The following NUBPL variants were observed in gnomAD, a reference collection of about 807,000 sequenced individuals.
NUBPL encodes the protein NUBP iron-sulfur cluster assembly factor, mitochondrial, also known as iron-sulfur cluster transfer protein NUBPL.
In NUBPL, 31 loss-of-function variants were observed where a neutral mutation model predicts 45.7. The observed-to-expected ratio is 0.68, with a 90% CI of 0.51 to 0.92. NUBPL has a LOEUF of 0.92. Ranked by LOEUF, NUBPL falls within the 40% of genes least tolerant of loss-of-function variation. NUBPL has a pLI of 0.00. For synonymous variants in NUBPL, 144 were observed against 140.9 expected, an observed-to-expected ratio of 1.02 and a Z score of -0.15; for missense variants, 401 against 398.7, an observed-to-expected ratio of 1.01 and a Z score of -0.05.
intron 3 of NUBPL, chr14:31,578,056 C>G (rs1595305964): frequency 9.4e-7 from 1 of 1,058,616 alleles, no homozygotes; most frequent in African/African-American, 1.6e-5. Flanking sequence ...TACACTTTGG[C>G]AGAATTCTCC....
At chr14:31,682,533 G>A (rs2036857710) in intron 6 of NUBPL, among the ~76,000 whole-genome samples, 1 of 151,742 alleles carries the variant, frequency 6.6e-6, no homozygotes, top group Non-Finnish European at 1.5e-5. Flanking sequence ...TTAATGGTTG[G>A]GTTTCAGTCT....
intron 6 of NUBPL, among the ~76,000 whole-genome samples, chr14:31,697,694 C>T (rs980047195): frequency 6.6e-6 from 1 of 152,148 alleles, no homozygotes; most frequent in African/African-American, 2.4e-5. Flanking sequence ...TCTCCATTTT[C>T]CATGATGCAG....
At chr14:31,832,963 TA>T (rs1300065137) in intron 8 of NUBPL, among the ~76,000 whole-genome samples, 1 of 152,238 alleles carries the variant, frequency 6.6e-6, no homozygotes, top group Non-Finnish European at 1.5e-5. Context: ...TACATAATGT[TA>T]TATAATTAAT....
In NUBPL at chr14:31,635,407, C is replaced by T. The variant is rs1377924154; in HGVS notation, c.382+36028C>T. Among the ~76,000 whole-genome samples, 971 of 151,046 alleles carry T rather than the reference C, an allele frequency of 6.4e-3. 7 individuals are homozygous for T. Among genetic ancestry groups the T allele is most frequent in the Non-Finnish European group, 0.01 (681 of 67,424 alleles). ...CAAAGATCAGATAGTTGTAGATATG[C>T]GACGTTATTTCTGAGGGCTCTGTTC... On this transcript the variant is annotated intron_variant, in intron 4 of 10. Transcript: ENST00000281081.
chr14:31,735,744 C>T (rs6571460), intron 6 of NUBPL, among the ~76,000 whole-genome samples: 24,093 of 151,934 alleles, frequency 0.16, 5,443 homozygotes, highest in African/African-American at 0.5. Context: ...CCCAGCTACT[C>T]GGGAGGCTGA....
At chr14:31,769,148 A>G (rs1199452096) in intron 6 of NUBPL, among the ~76,000 whole-genome samples, 2 of 152,202 alleles carry the variant, frequency 1.3e-5, no homozygotes, top group East Asian at 1.9e-4. Flanking sequence ...GGTATGGGCT[A>G]CAGTGTCCGG....
At chr14:31,751,313 C>T (rs1174745887) in intron 6 of NUBPL, among the ~76,000 whole-genome samples, 1 of 152,198 alleles carries the variant, frequency 6.6e-6, no homozygotes, top group Non-Finnish European at 1.5e-5. Flanking sequence ...TCATCTGAGA[C>T]AAGGCAAGTC....
intron 6 of NUBPL, among the ~76,000 whole-genome samples, chr14:31,684,644 C>T (rs952992739): frequency 4.6e-5 from 7 of 152,116 alleles, no homozygotes; most frequent in African/African-American, 1.2e-4. Context: ...TATTATTTAT[C>T]TTTGGTTTAA....
intron 4 of NUBPL, among the ~76,000 whole-genome samples, chr14:31,669,583 C>T (rs1273680278): frequency 6.6e-6 from 1 of 151,848 alleles, no homozygotes; most frequent in Non-Finnish European, 1.5e-5. Flanking sequence ...ACCTAGTACT[C>T]AATAGTTATA....
At chr14:31,611,565 A>G (rs1188685042) in intron 4 of NUBPL, among the ~76,000 whole-genome samples, 1 of 152,242 alleles carries the variant, frequency 6.6e-6, no homozygotes, top group Non-Finnish European at 1.5e-5. Context: ...GAAATAGAAA[A>G]ACAATTCTAC....
At chr14:31,716,644 C>T (rs1190538341) in intron 6 of NUBPL, among the ~76,000 whole-genome samples, 1 of 152,182 alleles carries the variant, frequency 6.6e-6, no homozygotes, top group South Asian at 2.1e-4. Flanking sequence ...AAAACCTCTG[C>T]AATTCATCTC....
intron 4 of NUBPL, among the ~76,000 whole-genome samples, chr14:31,656,967 G>A (rs2036155899): frequency 6.6e-6 from 1 of 152,166 alleles, no homozygotes; most frequent in African/African-American, 2.4e-5. Flanking sequence ...GAGTGAGTGA[G>A]GAGAAAGAAT....
At chr14:31,623,055 A>C (rs985212701) in intron 4 of NUBPL, among the ~76,000 whole-genome samples, 6 of 152,188 alleles carry the variant, frequency 3.9e-5, no homozygotes, top group African/African-American at 1.4e-4. Context: ...GAGCTGCCCA[A>C]CTCCTCGGGA....
chr14:31,603,406 G>A (rs1566441091), intron 4 of NUBPL, among the ~76,000 whole-genome samples: 1 of 151,316 alleles, frequency 6.6e-6, no homozygotes, highest in Non-Finnish European at 1.5e-5. Context: ...TTATTGATTT[G>A]TAATGATAAT....
chr14:31,759,442 A>C (rs1163578640), intron 6 of NUBPL, among the ~76,000 whole-genome samples: 1 of 152,048 alleles, frequency 6.6e-6, no homozygotes, highest in Non-Finnish European at 1.5e-5. Context: ...TTTTTACTTG[A>C]CAAATATTGT....
intron 6 of NUBPL, among the ~76,000 whole-genome samples, chr14:31,707,879 A>G (rs2037489293): frequency 6.6e-6 from 1 of 152,186 alleles, no homozygotes; most frequent in Admixed American, 6.5e-5. Context: ...AGTAACCTAG[A>G]TCTTGGGCCA....
intron 6 of NUBPL, among the ~76,000 whole-genome samples, chr14:31,683,018 CTT>C (rs34251298): frequency 3.7e-5 from 5 of 134,036 alleles, no homozygotes; most frequent in Admixed American, 7.5e-5. Context: ...TGCTAGGTTC[CTT>C]TTTTTTTTTT....
At chr14:31,798,315 T>C (rs2138853669) in intron 7 of NUBPL, among the ~76,000 whole-genome samples, 1 of 150,662 alleles carries the variant, frequency 6.6e-6, no homozygotes, top group East Asian at 1.9e-4. Context: ...TTTTTTTTTT[T>C]TTTTTTGCTG....
At chr14:31,697,535 T>C (rs1566507216) in intron 6 of NUBPL, among the ~76,000 whole-genome samples, 2 of 152,224 alleles carry the variant, frequency 1.3e-5, no homozygotes, top group Admixed American at 1.3e-4. Flanking sequence ...TTTGTGTTAA[T>C]CAATATTTAT....
Sources: gnomAD v4.1 joint callset for allele counts (sites outside exome capture counted in the v4.1 genomes callset) on GRCh38, gnomAD v4.1.1 for gene constraint, MANE v1.5 for transcripts, NCBI Gene and HGNC (gene_info 2026-07-23, HGNC 2026-07-21) for gene names.